RANBP17: variants seen among roughly 807,000 people sequenced by gnomAD.
The protein encoded by RANBP17 is RAN binding protein 17.
Under a neutral mutation model 141.2 loss-of-function variants are expected in RANBP17, and 158 were observed. That is an observed-to-expected ratio of 1.12 (90% CI 0.98 to 1.28). RANBP17 has a LOEUF of 1.28. Ranked by LOEUF, RANBP17 falls within the 50% of genes most tolerant of loss-of-function variation. The pLI, the probability that RANBP17 is intolerant of heterozygous loss-of-function variation, is 0.00. For synonymous variants in RANBP17, 430 were observed against 450.0 expected, an observed-to-expected ratio of 0.96 and a Z score of 0.56; for missense variants, 1,438 against 1,290.7, an observed-to-expected ratio of 1.11 and a Z score of -1.75.
At chr5:170,921,335 T>C (rs959883489) in intron 11 of RANBP17, among the ~76,000 whole-genome samples, 3 of 152,190 alleles carry the variant, frequency 2.0e-5, no homozygotes, top group Non-Finnish European at 4.4e-5. Context: ...CAGCACTGTT[T>C]ATTAAATAGG....
At chr5:171,008,620 A>G (rs1779820631) in intron 14 of RANBP17, among the ~76,000 whole-genome samples, 1 of 152,202 alleles carries the variant, frequency 6.6e-6, no homozygotes, top group Admixed American at 6.5e-5. Context: ...CACAAAGTAC[A>G]TTCTCAAGGG....
chr5:170,924,058 C>T (rs1047226794), intron 11 of RANBP17, among the ~76,000 whole-genome samples: 48 of 150,912 alleles, frequency 3.2e-4, no homozygotes, highest in African/African-American at 1.1e-3. Context: ...AGTGCAGTGG[C>T]GCAATCTTAG....
chr5:171,003,051 A>G (rs1275793954), intron 14 of RANBP17, among the ~76,000 whole-genome samples: 3 of 152,198 alleles, frequency 2.0e-5, no homozygotes, highest in Non-Finnish European at 1.5e-5. Flanking sequence ...AGTTGAGCAT[A>G]GTTTGTGATT....
chr5:171,197,742 A>G (rs1177263469), intron 18 of RANBP17, among the ~76,000 whole-genome samples: 1 of 152,204 alleles, frequency 6.6e-6, no homozygotes, highest in Non-Finnish European at 1.5e-5. Context: ...CCGGTACAAT[A>G]GTTAAGAGCC....
chr5:171,148,362 G>C lies in RANBP17; in HGVS notation c.1711-21768G>C, dbSNP rs1758216523. ...ATGACCCTGCCAAATCCCCCTCTGT[G>C]AGAAACACCCAAGAATTATCAATAA... On this transcript the variant is annotated intron_variant, in intron 14 of 27. Transcript: ENST00000523189. 2.6e-5 allele frequency among the ~76,000 whole-genome samples: 4 copies of C among 151,664 alleles called. No individual in the cohort carries two copies. The South Asian group carries it at 8.3e-4, about 32-fold the overall frequency.
intron 14 of RANBP17, among the ~76,000 whole-genome samples, chr5:171,130,963 AT>A (rs1756877091): frequency 6.6e-6 from 1 of 152,172 alleles, no homozygotes; most frequent in Non-Finnish European, 1.5e-5. Flanking sequence ...GAAATTTGTT[AT>A]GTTTCACATG....
At chr5:171,171,148 G>T in intron 15 of RANBP17, 58 bp from the exon 16 acceptor site, 2 of 903,758 alleles carry the variant, frequency 2.2e-6, no homozygotes, top group South Asian at 1.6e-5. Flanking sequence ...GTATTCTCTG[G>T]TTCTCCTTAG....
At chr5:171,193,334 A>G (rs1490255704) in intron 18 of RANBP17, among the ~76,000 whole-genome samples, 5 of 151,234 alleles carry the variant, frequency 3.3e-5, no homozygotes, top group South Asian at 2.1e-4. Context: ...TGTCACATTA[A>G]TTGGTATTTA....
chr5:171,020,220 T>C (rs974288352), intron 14 of RANBP17, among the ~76,000 whole-genome samples: 3 of 152,122 alleles, frequency 2.0e-5, no homozygotes, highest in Admixed American at 6.6e-5. Flanking sequence ...GTGCCTTGTG[T>C]CACTGAGAAG....
At chr5:171,044,617 G>T (rs553186009) in intron 14 of RANBP17, among the ~76,000 whole-genome samples, 2 of 151,946 alleles carry the variant, frequency 1.3e-5, no homozygotes, top group Non-Finnish European at 2.9e-5. Flanking sequence ...TAAATTTACT[G>T]TTATAATTGA....
intron 14 of RANBP17, among the ~76,000 whole-genome samples, chr5:171,109,861 A>G (rs1755097244): frequency 6.6e-6 from 1 of 152,204 alleles, no homozygotes; most frequent in African/African-American, 2.4e-5. Context: ...TATTGTGTAC[A>G]TCACTTTGAA....
chr5:171,196,983 C>T (rs1181304231), intron 18 of RANBP17, among the ~76,000 whole-genome samples: 16 of 152,162 alleles, frequency 1.1e-4, no homozygotes, highest in Admixed American at 1.0e-3. Flanking sequence ...AATTTCAAAG[C>T]ATCCATTCTT....
intron 14 of RANBP17, chr5:171,028,866 G>T (rs1270773307): frequency 1.6e-6 from 2 of 1,259,284 alleles, no homozygotes; most frequent in East Asian, 5.6e-5. Context: ...TTTTTGTCTT[G>T]CACAGAAGAC....
intron 24 of RANBP17, chr5:171,253,118 C>T (rs1765681156): frequency 1.6e-6 from 1 of 611,646 alleles, no homozygotes; most frequent in East Asian, 2.8e-5. Context: ...ACTTTGCACA[C>T]GATAAAGCAA....
chr5:171,246,171 G>A (rs548158693), intron 24 of RANBP17, among the ~76,000 whole-genome samples: 8 of 152,214 alleles, frequency 5.3e-5, no homozygotes, highest in African/African-American at 1.7e-4. Context: ...GTGAGCCACC[G>A]CACCCGGCCT....
chr5:171,047,655 G>C (rs1219699406), intron 14 of RANBP17, among the ~76,000 whole-genome samples: 4 of 151,942 alleles, frequency 2.6e-5, no homozygotes, highest in African/African-American at 4.8e-5. Flanking sequence ...GGGCAGGCTG[G>C]TCTTCAACTC....
intron 11 of RANBP17, among the ~76,000 whole-genome samples, chr5:170,923,082 C>A (rs180690150): frequency 2.0e-5 from 3 of 152,226 alleles, no homozygotes; most frequent in Non-Finnish European, 1.5e-5. Context: ...GGAAACTAAT[C>A]CAGGGTCACA....
At chr5:171,223,147 C>T (rs1017766744) in intron 22 of RANBP17, among the ~76,000 whole-genome samples, 2 of 152,096 alleles carry the variant, frequency 1.3e-5, no homozygotes, top group Non-Finnish European at 1.5e-5. Flanking sequence ...GAGCTGTATA[C>T]ATTGTAGGCC....
chr5:171,114,447 CT>C (rs1306528620), intron 14 of RANBP17, among the ~76,000 whole-genome samples: 9 of 151,674 alleles, frequency 5.9e-5, no homozygotes, highest in African/African-American at 2.2e-4. Context: ...TTCTGGTGTA[CT>C]TGAGTCACTT....
Sources: allele counts gnomAD v4.1 joint callset (sites outside exome capture counted in the v4.1 genomes callset), GRCh38; gene constraint gnomAD v4.1.1; transcripts MANE v1.5; gene names NCBI Gene and HGNC (gene_info 2026-07-23, HGNC 2026-07-21).